The following DSCAM variants were observed in gnomAD, a reference collection of about 807,000 sequenced individuals.
DSCAM encodes the protein DS cell adhesion molecule.
A neutral mutation model predicts 217.7 loss-of-function variants in DSCAM; 47 were observed. The observed-to-expected ratio is 0.22, with a 90% confidence interval of 0.17 to 0.28. DSCAM has a LOEUF of 0.28. Ranked by LOEUF, DSCAM falls within the 10% of genes least tolerant of loss-of-function variation. DSCAM has a pLI of 1.00. For synonymous variants in DSCAM, 1,056 were observed against 1,015.3 expected, an observed-to-expected ratio of 1.04 and a Z score of -0.76; for missense variants, 2,080 against 2,618.3, an observed-to-expected ratio of 0.79 and a Z score of 4.49.
At chr21:40,652,349 A>AC (rs1196900250) in intron 3 of DSCAM, among the ~76,000 whole-genome samples, 4 of 11,036 alleles carry the variant, frequency 3.6e-4, no homozygotes, top group East Asian at 4.6e-3. Context: ...AACAACAACA[A>AC]AAAAAAAAAA....
At chr21:40,731,737 C>CCT (rs1569007273) in intron 1 of DSCAM, among the ~76,000 whole-genome samples, 1 of 130,922 alleles carries the variant, frequency 7.6e-6, no homozygotes, top group African/African-American at 2.8e-5. Flanking sequence ...CACCCCCCCC[C>CCT]CCGCCCCCCG....
intron 10 of DSCAM, among the ~76,000 whole-genome samples, chr21:40,280,294 C>A (rs957777604): frequency 9.2e-5 from 14 of 151,400 alleles, no homozygotes; most frequent in Non-Finnish European, 1.6e-4. Context: ...CAATCCTCCC[C>A]CCTCAGCCTC....
chr21:40,497,889 C>T (rs1327493565), intron 3 of DSCAM, among the ~76,000 whole-genome samples: 2 of 152,222 alleles, frequency 1.3e-5, no homozygotes, highest in South Asian at 2.1e-4. Context: ...GCTATGAGAA[C>T]TGCTATGTTG....
At chr21:40,532,473 A>T (rs1474195004) in intron 3 of DSCAM, among the ~76,000 whole-genome samples, 1 of 152,196 alleles carries the variant, frequency 6.6e-6, no homozygotes. Flanking sequence ...ATAAATAAGC[A>T]AGCATGGGGT....
intron 11 of DSCAM, among the ~76,000 whole-genome samples, chr21:40,247,447 C>T (rs2146953799): frequency 6.6e-6 from 1 of 152,282 alleles, no homozygotes; most frequent in Admixed American, 6.5e-5. Context: ...GAAATATAGC[C>T]ATTCCAAATG....
intron 9 of DSCAM, among the ~76,000 whole-genome samples, chr21:40,307,378 G>A (rs969800869): frequency 5.9e-5 from 9 of 152,094 alleles, no homozygotes; most frequent in African/African-American, 1.9e-4. Flanking sequence ...CAAAACCACA[G>A]TGAGATACCA....
At chr21:40,115,749 TC>T (rs2089962612) in intron 20 of DSCAM, among the ~76,000 whole-genome samples, 1 of 152,134 alleles carries the variant, frequency 6.6e-6, no homozygotes, top group Admixed American at 6.5e-5. Context: ...GTGTGGCAAC[TC>T]CTCAAAGACC....
chr21:40,360,986 A>AT (rs1402607218), intron 4 of DSCAM, among the ~76,000 whole-genome samples: 1 of 152,094 alleles, frequency 6.6e-6, no homozygotes, highest in Non-Finnish European at 1.5e-5. Context: ...GATGTTTTAT[A>AT]TTTTAAGTGC....
intron 8 of DSCAM, among the ~76,000 whole-genome samples, chr21:40,315,841 G>T (rs563984500): frequency 4.9e-4 from 74 of 152,272 alleles, no homozygotes; most frequent in African/African-American, 1.7e-3. Flanking sequence ...GCCTAAATCA[G>T]ATTCTGGGAG....
chr21:40,758,622 G>T (rs1362982819), intron 1 of DSCAM, among the ~76,000 whole-genome samples: 1 of 151,872 alleles, frequency 6.6e-6, no homozygotes, highest in Non-Finnish European at 1.5e-5. Context: ...TCTTATTTTG[G>T]GGGGTCTATT....
intron 3 of DSCAM, among the ~76,000 whole-genome samples, chr21:40,667,891 T>G (rs2090222614): frequency 6.6e-6 from 1 of 152,224 alleles, no homozygotes; most frequent in Admixed American, 6.5e-5. Flanking sequence ...AGTGTGAGAA[T>G]GGACTAATAC....
intron 3 of DSCAM, among the ~76,000 whole-genome samples, chr21:40,422,717 A>G (rs1281907604): frequency 6.6e-6 from 1 of 152,218 alleles, no homozygotes; most frequent in Non-Finnish European, 1.5e-5. Flanking sequence ...TGGATTTTCA[A>G]TAACAACTTG....
intron 3 of DSCAM, among the ~76,000 whole-genome samples, chr21:40,501,738 T>G (rs1456948437): frequency 6.6e-6 from 1 of 152,154 alleles, no homozygotes; most frequent in Non-Finnish European, 1.5e-5. Context: ...ATTACAGGCA[T>G]GCACCACCAT....
chr21:40,368,767 T>C (rs1363486845), intron 4 of DSCAM, among the ~76,000 whole-genome samples: 1 of 152,196 alleles, frequency 6.6e-6, no homozygotes, highest in East Asian at 1.9e-4. Flanking sequence ...GTATTTTGTA[T>C]TTGGTTTTAT....
intron 21 of DSCAM, among the ~76,000 whole-genome samples, chr21:40,089,907 T>C (rs548288326): frequency 6.6e-6 from 1 of 152,302 alleles, no homozygotes; most frequent in Non-Finnish European, 1.5e-5. Flanking sequence ...CATTTGGAGA[T>C]TGACCACCAT....
intron 1 of DSCAM, among the ~76,000 whole-genome samples, chr21:40,837,032 C>A (rs1356952571): frequency 2.0e-5 from 3 of 152,198 alleles, no homozygotes; most frequent in Non-Finnish European, 2.9e-5. Context: ...GTGTTGAGAA[C>A]CAGTGTCCTC....
intron 1 of DSCAM, among the ~76,000 whole-genome samples, chr21:40,736,855 CCT>C (rs1159286951): frequency 6.6e-6 from 1 of 151,872 alleles, no homozygotes; most frequent in African/African-American, 2.4e-5. Flanking sequence ...ACTTAAAAAC[CCT>C]TATAGAATTG....
intron 3 of DSCAM, among the ~76,000 whole-genome samples, chr21:40,509,165 G>A (rs780192626): frequency 6.6e-6 from 1 of 151,962 alleles, no homozygotes; most frequent in Non-Finnish European, 1.5e-5. Context: ...ATGTCAGTCC[G>A]TGAGTGTCAC....
At chr21:40,542,541 GA>G (rs2076550252) in intron 3 of DSCAM, among the ~76,000 whole-genome samples, 1 of 152,212 alleles carries the variant, frequency 6.6e-6, no homozygotes, top group Non-Finnish European at 1.5e-5. Flanking sequence ...AGTGCCCTTA[GA>G]AAAGACGCAA....
Sources: gnomAD v4.1 joint callset for allele counts (sites outside exome capture counted in the v4.1 genomes callset) on GRCh38, gnomAD v4.1.1 for gene constraint, MANE v1.5 for transcripts, NCBI Gene and HGNC (gene_info 2026-07-23, HGNC 2026-07-21) for gene names.